The following FHIT variants were observed in gnomAD, a reference collection of about 807,000 sequenced individuals.
FHIT encodes bis(5'-adenosyl)-triphosphatase.
Under a neutral mutation model 17.9 loss-of-function variants are expected in FHIT, and 19 were observed. The ratio of observed to expected loss-of-function variants is 1.06; its 90% CI spans 0.74 to 1.56. FHIT has a LOEUF of 1.56. Ranked by LOEUF, FHIT falls within the 40% of genes most tolerant of loss-of-function variation. The pLI is 0.00. For synonymous variants in FHIT, 81 were observed against 69.7 expected, an observed-to-expected ratio of 1.16 and a Z score of -0.81; for missense variants, 248 against 189.2, an observed-to-expected ratio of 1.31 and a Z score of -1.82.
intron 7 of FHIT, among the ~76,000 whole-genome samples, chr3:60,009,202 T>C (rs1700043682): frequency 6.7e-6 from 1 of 149,388 alleles, no homozygotes; most frequent in African/African-American, 2.5e-5. Context: ...TGTGTGTGTG[T>C]GTGTGTGTGT....
At chr3:60,403,427 C>T (rs895145705) in intron 5 of FHIT, among the ~76,000 whole-genome samples, 11 of 152,082 alleles carry the variant, frequency 7.2e-5, no homozygotes, top group African/African-American at 2.4e-4. Context: ...AGATAATACC[C>T]AAAATGAAGG....
chr3:59,943,220 A>G (rs1280832282), intron 7 of FHIT, among the ~76,000 whole-genome samples: 1 of 152,206 alleles, frequency 6.6e-6, no homozygotes, highest in Non-Finnish European at 1.5e-5. Context: ...ATCAGGAACC[A>G]GCTCAGGGCT....
chr3:60,227,758 C>A (rs935055372), intron 5 of FHIT, among the ~76,000 whole-genome samples: 2 of 152,146 alleles, frequency 1.3e-5, no homozygotes, highest in Admixed American at 6.6e-5. Context: ...AAGCTTATGT[C>A]ATCTCATCTG....
chr3:59,953,026 C>T (rs951121478), intron 7 of FHIT, among the ~76,000 whole-genome samples: 13 of 151,834 alleles, frequency 8.6e-5, no homozygotes, highest in East Asian at 1.9e-4. Flanking sequence ...CTCCACCCCC[C>T]GAAGTGTGTG....
chr3:60,711,129 T>C (rs140433147), intron 4 of FHIT, among the ~76,000 whole-genome samples: 7 of 152,270 alleles, frequency 4.6e-5, no homozygotes, highest in African/African-American at 1.7e-4. Context: ...AAATCCATGG[T>C]TCTGCAGACA....
chr3:60,381,376 GC>G (rs1684653188), intron 5 of FHIT, among the ~76,000 whole-genome samples: 1 of 151,970 alleles, frequency 6.6e-6, no homozygotes, highest in South Asian at 2.1e-4. Flanking sequence ...TACATGGGGG[GC>G]TAAGGCAGGA....
At chr3:59,854,581 A>C (rs1481799411) in intron 8 of FHIT, among the ~76,000 whole-genome samples, 1 of 152,144 alleles carries the variant, frequency 6.6e-6, no homozygotes, top group African/African-American at 2.4e-5. Context: ...CTCTAGTCCA[A>C]GCACAGTGCA....
intron 2 of FHIT, among the ~76,000 whole-genome samples, chr3:61,122,272 T>C (rs1401571990): frequency 6.6e-6 from 1 of 152,172 alleles, no homozygotes; most frequent in Non-Finnish European, 1.5e-5. Flanking sequence ...CTCTATTTAA[T>C]AAATGGTGTT....
At chr3:59,942,143 G>C (rs1706552208) in intron 7 of FHIT, among the ~76,000 whole-genome samples, 1 of 152,130 alleles carries the variant, frequency 6.6e-6, no homozygotes, top group Non-Finnish European at 1.5e-5. Flanking sequence ...CCCATTTCAA[G>C]GCTCTCTCCA....
At chr3:60,732,302 A>G (rs1394963855) in intron 4 of FHIT, 3 of 951,996 alleles carry the variant, frequency 3.2e-6, no homozygotes, top group Non-Finnish European at 5.1e-6. Flanking sequence ...GGCACATGAA[A>G]AACTGGGAAC....
intron 1 of FHIT, among the ~76,000 whole-genome samples, chr3:61,208,539 C>G (rs781639027): frequency 6.6e-6 from 1 of 152,026 alleles, no homozygotes; most frequent in Non-Finnish European, 1.5e-5. Flanking sequence ...TAGCTCTTCT[C>G]ATTGAATTGA....
chr3:60,380,725 G>A (rs1700763917), intron 5 of FHIT, among the ~76,000 whole-genome samples: 1 of 152,086 alleles, frequency 6.6e-6, no homozygotes, highest in Non-Finnish European at 1.5e-5. Flanking sequence ...GCCAAATATC[G>A]ATTATTATCA....
chr3:60,261,300 A>C lies in FHIT; in HGVS notation c.104-247148T>G, dbSNP rs142188496. On this transcript the variant is annotated intron_variant, in intron 5 of 9. Coordinates refer to ENST00000492590, the MANE Select transcript of FHIT (RefSeq NM_002012.4). ...TACCCTTCCCAGTAACATATCCACG[A>C]CAGGTGAGAAAAGAAAAACAAAAGA... 3.5e-3 allele frequency among the ~76,000 whole-genome samples: 530 copies of C among 152,156 alleles called. 1 individual carries two copies. The highest frequency in any genetic ancestry group is 5.3e-3 in the Non-Finnish European group (358 of 67,964).
chr3:60,854,624 G>A (rs1018519689), intron 3 of FHIT, among the ~76,000 whole-genome samples: 1 of 147,228 alleles, frequency 6.8e-6, no homozygotes, highest in East Asian at 2.0e-4. Flanking sequence ...GACGGCTGCT[G>A]GATCTCCAAG....
At chr3:60,903,525 T>C (rs1337730632) in intron 3 of FHIT, among the ~76,000 whole-genome samples, 1 of 152,200 alleles carries the variant, frequency 6.6e-6, no homozygotes, top group African/African-American at 2.4e-5. Context: ...AGCAAACACT[T>C]TGGAAATTAA....
At chr3:59,764,879 C>G (rs1336331097) in intron 8 of FHIT, among the ~76,000 whole-genome samples, 1 of 19,542 alleles carries the variant, frequency 5.1e-5, no homozygotes, top group Non-Finnish European at 1.7e-4. Context: ...CACACACACA[C>G]ACACACACAC....
At chr3:59,908,850 T>TTTTTTTTTTTTTTTTTTTTTGAGACGG (rs1553712872) in intron 8 of FHIT, among the ~76,000 whole-genome samples, 1 of 150,092 alleles carries the variant, frequency 6.7e-6, no homozygotes, top group Non-Finnish European at 1.5e-5. Context: ...TTTCATTTTT[T>TTTTTTTTTTTTTTTTTTTTTGAGACGG]AATAGTCCAA....
At chr3:60,462,613 G>T (rs1239825080) in intron 5 of FHIT, among the ~76,000 whole-genome samples, 2 of 152,180 alleles carry the variant, frequency 1.3e-5, no homozygotes, top group Admixed American at 6.5e-5. Flanking sequence ...AGGAGCAAAA[G>T]CAAGAGATCC....
At chr3:60,254,796 T>C (rs1049284743) in intron 5 of FHIT, among the ~76,000 whole-genome samples, 1 of 152,142 alleles carries the variant, frequency 6.6e-6, no homozygotes, top group East Asian at 1.9e-4. Context: ...TAAGTGGAAA[T>C]AGGAATCTAA....
Sources: allele counts gnomAD v4.1 joint callset (sites outside exome capture counted in the v4.1 genomes callset), GRCh38; gene constraint gnomAD v4.1.1; transcripts MANE v1.5; gene names NCBI Gene and HGNC (gene_info 2026-07-23, HGNC 2026-07-21).